The following EXT2 variants were observed in gnomAD, a reference collection of about 807,000 sequenced individuals.
EXT2 encodes exostosin-2.
A neutral mutation model predicts 81.6 loss-of-function variants in EXT2; 53 were observed. The observed-to-expected ratio is 0.65, with a 90% CI of 0.52 to 0.82. The LOEUF is 0.82. EXT2 is among the 40% of genes least tolerant of loss of function. The probability of loss-of-function intolerance (pLI) is 0.00; values close to 1 mark genes in which losing one functional copy is unlikely to be tolerated. For missense variants in EXT2, 774 were observed against 910.2 expected (o/e 0.85, Z 1.93); for synonymous variants, 320 against 340.0 (o/e 0.94, Z 0.65).
chr11:44,109,397 A>G (rs1173540908), intron 3 of EXT2, 114 bp downstream of exon 3: 25 of 988,532 alleles, frequency 2.5e-5, no homozygotes, highest in Non-Finnish European at 4.7e-6. Flanking sequence ...TTATTAAACT[A>G]GAAAATTGTC....
At chr11:44,157,417 CGT>C (rs1158147149) in intron 7 of EXT2, among the ~76,000 whole-genome samples, 1 of 152,226 alleles carries the variant, frequency 6.6e-6, no homozygotes, top group Non-Finnish European at 1.5e-5. Flanking sequence ...CTCTATTCTA[CGT>C]GGCTGAGCTG....
At chr11:44,124,706 C>T (rs1166369965) in intron 4 of EXT2, 83 bp from the exon 5 acceptor site, 9 of 1,126,542 alleles carry the variant, frequency 8.0e-6, no homozygotes, top group Admixed American at 7.2e-5. Flanking sequence ...CACTTACTGT[C>T]ATAAGTTTAA....
intron 7 of EXT2, among the ~76,000 whole-genome samples, chr11:44,139,282 T>C (rs1954613875): frequency 6.6e-6 from 1 of 151,992 alleles, no homozygotes; most frequent in African/African-American, 2.4e-5. Flanking sequence ...AAAATGGTAC[T>C]GAGCCTTTTC....
intron 10 of EXT2, among the ~76,000 whole-genome samples, chr11:44,218,399 C>T (rs1439617103): frequency 2.6e-5 from 4 of 152,112 alleles, no homozygotes. Flanking sequence ...GGAAGCTAGG[C>T]TGCTTAGGGT....
rs186292530 is a variant in EXT2, at chr11:44,106,213, A to C, written c.-30-1470A>C. 2.0e-5 allele frequency among the ~76,000 whole-genome samples: 3 copies of C among 152,328 alleles called. No homozygotes were observed. The East Asian group carries it at 5.8e-4, about 29-fold the overall frequency. On this transcript the variant is annotated intron_variant, in intron 1 of 13. Transcript: ENST00000533608. ...GATTCTACATTTTGTTTGGAGAAGT[A>C]CCATGCAAATTCAGGGATGGAAAGA...
intron 10 of EXT2, among the ~76,000 whole-genome samples, chr11:44,213,266 T>C (rs1955674518): frequency 6.6e-6 from 1 of 152,122 alleles, no homozygotes; most frequent in South Asian, 2.1e-4. Flanking sequence ...ATTAGTGAAG[T>C]AGAAAACAGA....
intron 10 of EXT2, among the ~76,000 whole-genome samples, chr11:44,225,602 G>A (rs988792815): frequency 2.6e-5 from 4 of 152,212 alleles, no homozygotes; most frequent in Non-Finnish European, 2.9e-5. Flanking sequence ...CCTGAATGTC[G>A]TTTTTGACAT....
chr11:44,178,601 T>A (rs575275730), intron 8 of EXT2, among the ~76,000 whole-genome samples: 1 of 152,292 alleles, frequency 6.6e-6, no homozygotes, highest in African/African-American at 2.4e-5. Context: ...TAAATCACTC[T>A]GCAAGCTGAA....
intron 4 of EXT2, among the ~76,000 whole-genome samples, chr11:44,121,959 G>C (rs961125346): frequency 2.6e-5 from 4 of 151,920 alleles, no homozygotes; most frequent in Non-Finnish European, 1.5e-5. Context: ...AACATTCCAC[G>C]TGCGCCTTCT....
rs559850052 is a variant in EXT2, at chr11:44,144,144, C to T, written c.1173+14006C>T. 190 of 947,200 alleles carry T rather than the reference C, an allele frequency of 2.0e-4. No homozygotes were observed. In the East Asian group the frequency reaches 3.3e-3, roughly 17 times the overall value. 58.7% of individuals were successfully genotyped at this position (947,200 alleles called of 1,614,324 possible). The stretch of plus-strand genomic sequence containing the variant: ...TTAGCATAGCAAACATGGAAAATCT[C>T]GCCCCAGGCAGATTCCTTTATAGCT... On this transcript the variant is annotated intron_variant, in intron 7 of 13. Coordinates refer to ENST00000533608, the MANE Select transcript of EXT2 (RefSeq NM_207122.2).
At chr11:44,172,458 T>C (rs1171813940) in intron 8 of EXT2, among the ~76,000 whole-genome samples, 1 of 152,214 alleles carries the variant, frequency 6.6e-6, no homozygotes, top group Non-Finnish European at 1.5e-5. Context: ...GAAGTGAACC[T>C]GGCTGTCCAG....
intron 7 of EXT2, among the ~76,000 whole-genome samples, chr11:44,143,873 C>G (rs548724104): frequency 1.3e-5 from 2 of 152,120 alleles, no homozygotes; most frequent in Admixed American, 6.6e-5. Context: ...TGGTGTTCTC[C>G]GGAATCATTG....
intron 10 of EXT2, among the ~76,000 whole-genome samples, chr11:44,225,003 C>T (rs74610256): frequency 0.018 from 2,709 of 152,236 alleles, 38 homozygotes; most frequent in Non-Finnish European, 0.026. Context: ...CTTCATTAAG[C>T]AATCTCCTGA....
In EXT2 at chr11:44,250,724, G is replaced by A. The variant is rs561082938; in HGVS notation, c.*6437G>A. Among the ~76,000 whole-genome samples, 156 of 152,300 alleles carry A rather than the reference G, an allele frequency of 1.0e-3. No individual in the cohort carries two copies. Among genetic ancestry groups the A allele is most frequent in the African/African-American group, 3.7e-3 (152 of 41,564 alleles). On this transcript the variant is annotated 3_prime_UTR_variant, in exon 14 of 14. Coordinates refer to ENST00000533608, the MANE Select transcript of EXT2 (RefSeq NM_207122.2). ...GAGCGTCCATCCGGTGCCTGGTGAG[G>A]GCCCTGCATGGCTGGCTGCTGTCTG...
Position 44,202,004 on chromosome 11 carries a change from A to C in EXT2, c.1495+3986A>C, listed in dbSNP as rs147935133. Among the ~76,000 whole-genome samples the C allele has an allele frequency of 2.0e-5, 3 of 152,324 alleles. No homozygotes were observed. The East Asian group carries it at 5.8e-4, about 29-fold the overall frequency. On this transcript the variant is annotated intron_variant, in intron 9 of 13. Coordinates refer to ENST00000533608, the MANE Select transcript of EXT2 (RefSeq NM_207122.2). ...TTGACAAAGGGAAAACATGAAACTG[A>C]GAATTCTATTTAGAGTTCTGCCTGG...
At chr11:44,103,442 A>G (rs75530815) in intron 1 of EXT2, among the ~76,000 whole-genome samples, 1,717 of 152,346 alleles carry the variant, frequency 0.011, 35 homozygotes, top group African/African-American at 0.039. Flanking sequence ...GTATTAAACT[A>G]GTATAAGCCC....
chr11:44,175,117 G>A (rs1045818696), intron 8 of EXT2, among the ~76,000 whole-genome samples: 1 of 152,232 alleles, frequency 6.6e-6, no homozygotes, highest in African/African-American at 2.4e-5. Context: ...GATGATGCAT[G>A]GCAGTGGGAC....
chr11:44,190,440 T>C (rs1955376661), intron 8 of EXT2, among the ~76,000 whole-genome samples: 1 of 152,198 alleles, frequency 6.6e-6, no homozygotes, highest in Admixed American at 6.5e-5. Context: ...AAAGCTTCTG[T>C]ATAGCAGGCC....
chr11:44,183,855 C>A (rs1313806576), intron 8 of EXT2, among the ~76,000 whole-genome samples: 1 of 152,042 alleles, frequency 6.6e-6, no homozygotes, highest in Non-Finnish European at 1.5e-5. Context: ...TCTTTTATAT[C>A]TTTAATCATT....
Sources: allele counts gnomAD v4.1 joint callset (sites outside exome capture counted in the v4.1 genomes callset), GRCh38; gene constraint gnomAD v4.1.1; transcripts MANE v1.5; gene names NCBI Gene and HGNC (gene_info 2026-07-23, HGNC 2026-07-21).